Variants in TRPM8 observed in about 807,000 individuals in gnomAD.
The protein encoded by TRPM8 is TRPM8 cationic channel.
Under a neutral mutation model 133.7 loss-of-function variants are expected in TRPM8, and 110 were observed. The ratio of observed to expected loss-of-function variants is 0.82; its 90% CI spans 0.70 to 0.96. The LOEUF is 0.96. Among genes scored for constraint, TRPM8 ranks in the 40% least tolerant of loss-of-function variants. TRPM8 has a pLI of 0.00. For synonymous variants in TRPM8, 535 were observed against 532.3 expected (o/e 1.01, Z -0.07); for missense variants, 1,291 against 1,379.5 (o/e 0.94, Z 1.02).
chr2:233,961,450 C>T (rs960188450), intron 12 of TRPM8, among the ~76,000 whole-genome samples: 16 of 151,990 alleles, frequency 1.1e-4, no homozygotes, highest in Admixed American at 2.0e-4. Flanking sequence ...GGACTACAGG[C>T]ACCTGCCACC....
At position 234,017,560 on chromosome 2, in the gene TRPM8, GCCT is replaced by G. The variant is rs1292723407; in HGVS notation, c.*308_*310del. 10 of 300,644 alleles carry G rather than the reference GCCT, an allele frequency of 3.3e-5. No individual in the cohort carries two copies. Among genetic ancestry groups the G allele is most frequent in the Non-Finnish European group, 5.2e-5 (8 of 152,470 alleles). 18.6% of individuals were successfully genotyped at this position (300,644 alleles called of 1,614,324 possible). ...TTGATAGTTTAAGTGTGTTCTTACC[GCCT>G]CCTTTTTCCTTTAATCTTATTTTTG... On this transcript the variant is annotated 3_prime_UTR_variant, in exon 26 of 26. Coordinates refer to ENST00000324695, the MANE Select transcript of TRPM8 (RefSeq NM_024080.5).
Position 233,961,061 on chromosome 2 carries a change from C to CT in TRPM8, c.1649dup (p.His551ProfsTer23). 2 of 1,613,572 alleles carry CT rather than the reference C, an allele frequency of 1.2e-6. No individual in the cohort carries two copies. The highest frequency in any genetic ancestry group is 1.7e-6 in the Non-Finnish European group (2 of 1,179,884). ...TGGCCGGGACGAGATGGACATAGAA[C>CT]TCCACGTAGGTACTGGGAGAGTTGC... is the stretch of plus-strand genomic sequence containing the variant. On this transcript the variant is annotated frameshift_variant, in exon 12 of 26. Coordinates refer to ENST00000324695, the MANE Select transcript of TRPM8 (RefSeq NM_024080.5). LOFTEE classifies it high-confidence loss of function.
chr2:233,991,618 T>G (rs1692280376), intron 21 of TRPM8, among the ~76,000 whole-genome samples: 1 of 152,250 alleles, frequency 6.6e-6, no homozygotes, highest in African/African-American at 2.4e-5. Context: ...TTTCAGTGTA[T>G]TTGAAAATTC....
At chr2:234,003,613 T>G (rs1692623585) in intron 22 of TRPM8, among the ~76,000 whole-genome samples, 1 of 152,212 alleles carries the variant, frequency 6.6e-6, no homozygotes, top group East Asian at 1.9e-4. Flanking sequence ...TAGGGGGCCA[T>G]TCTGTGCCTT....
At chr2:233,929,064 T>C (rs1691631753) in intron 2 of TRPM8, among the ~76,000 whole-genome samples, 1 of 151,786 alleles carries the variant, frequency 6.6e-6, no homozygotes, top group Non-Finnish European at 1.5e-5. Context: ...GTGTAACCAT[T>C]GTTGATTTAT....
At chr2:233,975,529 A>G (rs1226487119) in intron 17 of TRPM8, among the ~76,000 whole-genome samples, 2 of 152,228 alleles carry the variant, frequency 1.3e-5, no homozygotes, top group Non-Finnish European at 2.9e-5. Context: ...CCCTTGCTGC[A>G]TTAAGGCTTG....
At chr2:233,933,325 C>A (rs28902476) in intron 3 of TRPM8, among the ~76,000 whole-genome samples, 5 of 152,068 alleles carry the variant, frequency 3.3e-5, no homozygotes, top group Non-Finnish European at 7.4e-5. Context: ...GCTAGGACAA[C>A]GAAGGAATGT....
chr2:233,930,967 C>T (rs994517711), intron 3 of TRPM8, among the ~76,000 whole-genome samples: 3 of 152,204 alleles, frequency 2.0e-5, no homozygotes, highest in South Asian at 2.1e-4. Context: ...TTGGAAAAGT[C>T]GTTGAGGGAG....
chr2:233,987,102 A>G (rs1321198193), intron 21 of TRPM8, among the ~76,000 whole-genome samples: 2 of 152,210 alleles, frequency 1.3e-5, no homozygotes, highest in East Asian at 1.9e-4. Context: ...CTGGGAATCT[A>G]TCCTAAAGGT....
intron 25 of TRPM8, among the ~76,000 whole-genome samples, chr2:234,016,975 T>G (rs181770729): frequency 7.9e-5 from 12 of 152,294 alleles, no homozygotes; most frequent in African/African-American, 2.6e-4. Flanking sequence ...TTTTAAAAAT[T>G]TATGCAGAAA....
chr2:233,941,283 G>A (rs1156807033), intron 5 of TRPM8, among the ~76,000 whole-genome samples: 1 of 152,208 alleles, frequency 6.6e-6, no homozygotes, highest in African/African-American at 2.4e-5. Context: ...AGCAAGCAAG[G>A]CAGGTGAAGT....
intron 17 of TRPM8, among the ~76,000 whole-genome samples, chr2:233,971,806 T>C (rs959949533): frequency 1.3e-5 from 2 of 152,054 alleles, no homozygotes; most frequent in Non-Finnish European, 2.9e-5. Flanking sequence ...ATTTATTGCA[T>C]AGAGCGAAAG....
intron 21 of TRPM8, among the ~76,000 whole-genome samples, chr2:233,994,504 C>G (rs1284745323): frequency 6.6e-6 from 1 of 152,160 alleles, no homozygotes; most frequent in Admixed American, 6.5e-5. Context: ...AAATCCTTTT[C>G]TTTTAAGGAT....
In TRPM8 at chr2:233,924,302, G is replaced by A. The variant is rs575818003; in HGVS notation, c.-5-2231G>A. 1.4e-4 allele frequency among the ~76,000 whole-genome samples: 21 copies of A among 152,260 alleles called. No individual in the cohort carries two copies. In the East Asian group the frequency reaches 2.9e-3, roughly 21 times the overall value. ...TTGTTACTTCTCCCTGGCGCATGAC[G>A]CACCAAGGGATCGGCTTTCTCCCCC... On this transcript the variant is annotated intron_variant, in intron 1 of 25. Coordinates refer to ENST00000324695, the MANE Select transcript of TRPM8 (RefSeq NM_024080.5).
Position 233,943,441 on chromosome 2 carries a change from C to G in TRPM8, c.699+693C>G, listed in dbSNP as rs1574707878. 1.3e-5 allele frequency among the ~76,000 whole-genome samples: 2 copies of G among 152,232 alleles called. 1 individual carries two copies. Among genetic ancestry groups the G allele is most frequent in the South Asian group, 4.1e-4 (2 of 4,824 alleles). On this transcript the variant is annotated intron_variant, in intron 6 of 25. Transcript: ENST00000324695. ...TAGGGACATGGATGAAGCTGGAAAC[C>G]ATCATTCTCAGCAAACTATTGCAAG...
intron 22 of TRPM8, among the ~76,000 whole-genome samples, chr2:234,004,500 G>A (rs993362106): frequency 2.0e-5 from 3 of 152,226 alleles, no homozygotes; most frequent in African/African-American, 4.8e-5. Flanking sequence ...TGGTGGTGAC[G>A]TCATGGGTTT....
At chr2:233,959,324 C>A (rs113859615) in intron 11 of TRPM8, among the ~76,000 whole-genome samples, 1 of 129,926 alleles carries the variant, frequency 7.7e-6, no homozygotes, top group East Asian at 2.4e-4. Flanking sequence ...CCTCGCCCAG[C>A]CTTTTTTTTT....
intron 11 of TRPM8, among the ~76,000 whole-genome samples, chr2:233,956,027 G>C (rs1023086200): frequency 2.6e-5 from 4 of 152,172 alleles, no homozygotes; most frequent in Non-Finnish European, 5.9e-5. Context: ...AGATGAGACT[G>C]TCCAGTTGCA....
chr2:233,973,266 C>T (rs1691778143), intron 17 of TRPM8, among the ~76,000 whole-genome samples: 1 of 152,222 alleles, frequency 6.6e-6, no homozygotes, highest in African/African-American at 2.4e-5. Flanking sequence ...GACCTCATGG[C>T]TTTAATAACA....
Sources: allele counts gnomAD v4.1 joint callset (sites outside exome capture counted in the v4.1 genomes callset), GRCh38; gene constraint gnomAD v4.1.1; transcripts MANE v1.5; gene names NCBI Gene and HGNC (gene_info 2026-07-23, HGNC 2026-07-21).